The following PLEKHA6 variants were observed in gnomAD, a reference collection of about 807,000 sequenced individuals.
PLEKHA6 encodes pleckstrin homology domain containing A6, also known as pleckstrin homology domain-containing family A member 6.
A neutral mutation model predicts 116.7 loss-of-function variants in PLEKHA6; 60 were observed. That is an observed-to-expected ratio of 0.51 (90% CI 0.42 to 0.64). PLEKHA6 has a LOEUF of 0.64. Among genes scored for constraint, PLEKHA6 ranks in the 30% least tolerant of loss-of-function variants. The pLI, the probability that PLEKHA6 is intolerant of heterozygous loss-of-function variation, is 0.00. For synonymous variants in PLEKHA6, 489 were observed against 556.1 expected (o/e 0.88, Z 1.70); for missense variants, 1,338 against 1,422.7 (o/e 0.94, Z 0.96).
chr1:204,347,647 G>A (rs1056297706), intron 1 of PLEKHA6, among the ~76,000 whole-genome samples: 3 of 151,924 alleles, frequency 2.0e-5, no homozygotes, highest in Non-Finnish European at 4.4e-5. Flanking sequence ...AGTAAAGACA[G>A]GCATAAGAAA....
At chr1:204,375,722 G>C (rs1034798331) in intron 1 of PLEKHA6, among the ~76,000 whole-genome samples, 3 of 151,784 alleles carry the variant, frequency 2.0e-5, no homozygotes, top group African/African-American at 7.3e-5. Context: ...ATCACCTATA[G>C]GATGGAGTCC....
intron 6 of PLEKHA6, among the ~76,000 whole-genome samples, chr1:204,264,020 CCTT>C (rs1167128667): frequency 6.6e-6 from 1 of 152,068 alleles, no homozygotes; most frequent in Non-Finnish European, 1.5e-5. Context: ...GGACAGAGTC[CCTT>C]CTTCTAAGGC....
chr1:204,254,599 C>G (rs2102703656), intron 9 of PLEKHA6, among the ~76,000 whole-genome samples: 1 of 152,234 alleles, frequency 6.6e-6, no homozygotes, highest in East Asian at 1.9e-4. Context: ...GTGTTCTTGG[C>G]ATGTTATTCA....
chr1:204,313,505 A>G (rs1324313578), intron 1 of PLEKHA6: 1 of 924,320 alleles, frequency 1.1e-6, no homozygotes, highest in Non-Finnish European at 1.3e-6. Flanking sequence ...CACAGCCAGG[A>G]GTTCAGAGCT....
chr1:204,313,624 C>T (rs1172100835), intron 1 of PLEKHA6: 6 of 984,830 alleles, frequency 6.1e-6, no homozygotes, highest in Non-Finnish European at 7.2e-6. Flanking sequence ...TCCATATTAG[C>T]CCAAGGAAAT....
At chr1:204,243,577 C>T (rs2102577292) in intron 15 of PLEKHA6, among the ~76,000 whole-genome samples, 1 of 152,254 alleles carries the variant, frequency 6.6e-6, no homozygotes, top group East Asian at 1.9e-4. Flanking sequence ...TTTGCTTCCA[C>T]CCACTCTCCT....
intron 1 of PLEKHA6, among the ~76,000 whole-genome samples, chr1:204,376,148 A>C (rs1289641991): frequency 6.6e-6 from 1 of 152,228 alleles, no homozygotes; most frequent in Non-Finnish European, 1.5e-5. Context: ...TGCAGCAAAG[A>C]GTGGATGCCC....
intron 13 of PLEKHA6, 27 bp from the exon 14 acceptor site, chr1:204,245,753 G>T: frequency 6.6e-7 from 1 of 1,505,324 alleles, no homozygotes. Context: ...GTGAGTCAAA[G>T]GAAATGGCCA....
intron 1 of PLEKHA6, among the ~76,000 whole-genome samples, chr1:204,340,815 A>C (rs1469424772): frequency 6.6e-6 from 1 of 152,236 alleles, no homozygotes; most frequent in Non-Finnish European, 1.5e-5. Context: ...AAAGAGAGGA[A>C]TCAGACAGGG....
At chr1:204,347,094 C>T (rs922194682) in intron 1 of PLEKHA6, 76 of 1,279,602 alleles carry the variant, frequency 5.9e-5, no homozygotes, top group African/African-American at 8.8e-5. Flanking sequence ...CGTGGTAACG[C>T]GTGTGGGGCA....
chr1:204,276,637 G>GACAC (rs10567692), intron 1 of PLEKHA6, among the ~76,000 whole-genome samples: 1,762 of 136,912 alleles, frequency 0.013, 12 homozygotes, highest in African/African-American at 0.015. Context: ...CACTGGCACA[G>GACAC]ACACACACAC....
chr1:204,352,565 G>T (rs1673313583), intron 1 of PLEKHA6, among the ~76,000 whole-genome samples: 1 of 152,062 alleles, frequency 6.6e-6, no homozygotes, highest in Non-Finnish European at 1.5e-5. Flanking sequence ...TTTCTGCCTT[G>T]GGGAACCTCC....
At chr1:204,241,637 C>T in intron 16 of PLEKHA6, 48 bp downstream of exon 16, 1 of 1,532,446 alleles carries the variant, frequency 6.5e-7, no homozygotes, top group Non-Finnish European at 8.8e-7. Context: ...AGGGCTCCTC[C>T]CTGAGCATCC....
At position 204,228,868 on chromosome 1, in the gene PLEKHA6, A is replaced by C; in HGVS notation, c.2752-7T>G. The C allele has an allele frequency of 6.2e-7, 1 of 1,613,944 alleles. No homozygotes were observed. Among genetic ancestry groups the C allele is most frequent in the Non-Finnish European group, 8.5e-7 (1 of 1,179,950 alleles). The stretch of plus-strand genomic sequence containing the variant: ...CTTTGTCTGGAGTGGAGAGCTATGG[A>C]GGGGCTGGGGTCACCACCTCTGTCC... On this transcript the variant is annotated splice_region_variant and splice_polypyrimidine_tract_variant and intron_variant, in intron 19 of 22. Transcript: ENST00000272203. This position sits in a 1 kb window ranked among gnomAD's most constrained non-coding sequence, Gnocchi z 4.0.
chr1:204,303,906 G>T (rs1671047967), intron 1 of PLEKHA6, among the ~76,000 whole-genome samples: 1 of 152,066 alleles, frequency 6.6e-6, no homozygotes, highest in Non-Finnish European at 1.5e-5. Context: ...GTAGAGACGG[G>T]ATTTCACCGT....
At chr1:204,267,413 A>G (rs1382651279) in intron 5 of PLEKHA6, 62 bp downstream of exon 5, 3 of 1,435,040 alleles carry the variant, frequency 2.1e-6, no homozygotes, top group Non-Finnish European at 2.9e-6. Flanking sequence ...ATATGGCAGA[A>G]TGAGAAAGAG....
chr1:204,312,156 T>G (rs1368217709), intron 1 of PLEKHA6, among the ~76,000 whole-genome samples: 6 of 152,194 alleles, frequency 3.9e-5, no homozygotes, highest in African/African-American at 1.4e-4. Context: ...AAAATTCAGT[T>G]AGGTCTACTC....
At chr1:204,263,790 G>A (rs984667436) in intron 6 of PLEKHA6, among the ~76,000 whole-genome samples, 1 of 152,036 alleles carries the variant, frequency 6.6e-6, no homozygotes, top group Non-Finnish European at 1.5e-5. Flanking sequence ...CTTGTTGTTG[G>A]TTAAACAGCC....
chr1:204,338,574 G>T (rs908587534), intron 1 of PLEKHA6, among the ~76,000 whole-genome samples: 2 of 152,166 alleles, frequency 1.3e-5, no homozygotes, highest in African/African-American at 4.8e-5. Context: ...AGAAGAACAT[G>T]ACAGAGTCTT....
Sources: gnomAD v4.1 joint callset for allele counts (sites outside exome capture counted in the v4.1 genomes callset) on GRCh38, gnomAD v4.1.1 for gene constraint, Gnocchi (gnomAD v3.1) non-coding constraint, MANE v1.5 for transcripts, NCBI Gene and HGNC (gene_info 2026-07-23, HGNC 2026-07-21) for gene names.